The following MAP2 variants were observed in gnomAD, a reference collection of about 807,000 sequenced individuals.
The protein encoded by MAP2 is microtubule-associated protein 2.
Under a neutral mutation model 137.6 loss-of-function variants are expected in MAP2, and 14 were observed. That is an observed-to-expected ratio of 0.10 (90% CI 0.07 to 0.16). The LOEUF (loss-of-function observed/expected upper bound fraction) is 0.16, where lower values mean the gene tolerates loss of function less well. Ranked by LOEUF, MAP2 falls within the 10% of genes least tolerant of loss-of-function variation. MAP2 has a pLI of 1.00. For synonymous variants in MAP2, 786 were observed against 782.3 expected (o/e 1.00, Z -0.08); for missense variants, 2,088 against 2,191.5 (o/e 0.95, Z 0.94).
chr2:209,730,020 C>T lies in MAP2; in HGVS notation c.5268+58C>T, dbSNP rs1238291669. On this transcript the variant is annotated intron_variant, in intron 15 of 15. Coordinates refer to ENST00000682079, the MANE Select transcript of MAP2 (RefSeq NM_001375505.1). Reference sequence around the variant, plus strand: ...TTTTAAAAAAAATTCTTCTGAAATACTCTTCATCAAAATAGGTCCCAGATT... The same window carrying T: ...TTTTAAAAAAAATTCTTCTGAAATATTCTTCATCAAAATAGGTCCCAGATT... 3 of 1,331,354 alleles carry T rather than the reference C, an allele frequency of 2.3e-6. No homozygotes were observed. The Admixed American group carries it at 5.4e-5, about 24-fold the overall frequency. The allele number at this position is 1,331,354 out of a possible 1,614,324, so 82.5% of individuals were successfully genotyped here. A position where few individuals can be genotyped will look rare whatever the true frequency, so the allele number is the denominator to read the frequency against.
At chr2:209,591,838 A>G (rs993251606) in intron 3 of MAP2, among the ~76,000 whole-genome samples, 3 of 152,132 alleles carry the variant, frequency 2.0e-5, no homozygotes, top group East Asian at 1.9e-4. Context: ...TCTCCCCTCT[A>G]TTTGTTAGGT....
intron 6 of MAP2, among the ~76,000 whole-genome samples, chr2:209,680,302 A>G (rs1194622981): frequency 6.6e-6 from 1 of 152,196 alleles, no homozygotes; most frequent in Admixed American, 6.6e-5. Context: ...TGATCAAGAT[A>G]ACACATGTTT....
At chr2:209,690,755 GAGA>G in intron 7 of MAP2, 1 of 1,289,838 alleles carries the variant, frequency 7.8e-7, no homozygotes, top group Non-Finnish European at 1.0e-6. Context: ...AGTTCCCGAA[GAGA>G]GTGCCCCAGC....
chr2:209,498,495 G>A (rs900281670), intron 1 of MAP2, among the ~76,000 whole-genome samples: 1 of 152,224 alleles, frequency 6.6e-6, no homozygotes, highest in Admixed American at 6.5e-5. Context: ...CAGATGTGAG[G>A]GTTCCAACTT....
chr2:209,434,468 G>A (rs943829065), intron 1 of MAP2, among the ~76,000 whole-genome samples: 5 of 151,170 alleles, frequency 3.3e-5, no homozygotes, highest in African/African-American at 7.3e-5. Context: ...TTATTTTTAG[G>A]ATTATTTTTA....
intron 1 of MAP2, among the ~76,000 whole-genome samples, chr2:209,489,893 C>T (rs2058858659): frequency 6.6e-6 from 1 of 152,106 alleles, no homozygotes; most frequent in African/African-American, 2.4e-5. Context: ...AGGAGAACTT[C>T]CCCAACCTAG....
intron 3 of MAP2, among the ~76,000 whole-genome samples, chr2:209,588,603 A>G (rs1419649257): frequency 6.6e-6 from 1 of 152,194 alleles, no homozygotes; most frequent in African/African-American, 2.4e-5. Flanking sequence ...GGTTGTACTT[A>G]GTTTTCTTTA....
At chr2:209,435,961 T>C (rs1044114992) in intron 1 of MAP2, among the ~76,000 whole-genome samples, 1 of 139,556 alleles carries the variant, frequency 7.2e-6, no homozygotes, top group South Asian at 2.1e-4. Context: ...ATATACAGTA[T>C]ATATTATATA....
At chr2:209,498,852 C>A (rs2060056082) in intron 1 of MAP2, among the ~76,000 whole-genome samples, 1 of 152,150 alleles carries the variant, frequency 6.6e-6, no homozygotes, top group African/African-American at 2.4e-5. Flanking sequence ...CCCTCATAGG[C>A]CTCTGGGCCT....
In MAP2 at chr2:209,693,061, A is replaced by G. The variant is rs1398742509; in HGVS notation, c.891A>G (p.Val297=). 2 of 1,613,162 alleles carry G rather than the reference A, an allele frequency of 1.2e-6. No homozygotes were observed. Among genetic ancestry groups the G allele is most frequent in the Non-Finnish European group, 1.7e-6 (2 of 1,179,718 alleles). The part of the protein sequence containing the change: ...GPLTPMREKD[V]FDDIPKWEGK... Reference sequence around the variant, plus strand: ...TGACTCCCATGAGGGAAAAAGATGTATTTGATGATATCCCAAAATGGGAAG... The same window carrying G: ...TGACTCCCATGAGGGAAAAAGATGTGTTTGATGATATCCCAAAATGGGAAG... The change falls in exon 8 of 16, where the codon GTA becomes GTG. Residue 297 remains valine, a synonymous_variant. Coordinates refer to ENST00000682079, the MANE Select transcript of MAP2 (RefSeq NM_001375505.1).
intron 2 of MAP2, among the ~76,000 whole-genome samples, chr2:209,568,802 T>G (rs1490962789): frequency 6.6e-6 from 1 of 151,816 alleles, no homozygotes; most frequent in East Asian, 1.9e-4. Context: ...GCCAAGAAAT[T>G]AATGACTCTA....
chr2:209,605,129 A>G (rs2084261919), intron 3 of MAP2, among the ~76,000 whole-genome samples: 1 of 152,208 alleles, frequency 6.6e-6, no homozygotes, highest in South Asian at 2.1e-4. Flanking sequence ...GCTGTTTTAG[A>G]AAACAATTTT....
intron 1 of MAP2, among the ~76,000 whole-genome samples, chr2:209,500,024 T>C (rs1249129519): frequency 6.6e-6 from 1 of 152,146 alleles, no homozygotes; most frequent in African/African-American, 2.4e-5. Context: ...CATGCAATAG[T>C]TGTAACACTC....
chr2:209,430,089 G>T (rs550909775), intron 1 of MAP2, among the ~76,000 whole-genome samples: 1 of 150,654 alleles, frequency 6.6e-6, no homozygotes, highest in African/African-American at 2.4e-5. Flanking sequence ...GATTCACTAC[G>T]TCCTTTTGGC....
At chr2:209,654,430 G>A (rs2095006899) in intron 5 of MAP2, among the ~76,000 whole-genome samples, 2 of 152,282 alleles carry the variant, frequency 1.3e-5, no homozygotes, top group Middle Eastern at 3.4e-3. Flanking sequence ...CATTCAATTA[G>A]TATGAAATTG....
At chr2:209,462,599 A>G (rs917264604) in intron 1 of MAP2, among the ~76,000 whole-genome samples, 7 of 152,174 alleles carry the variant, frequency 4.6e-5, no homozygotes, top group Non-Finnish European at 1.0e-4. Context: ...CCACTGACCA[A>G]TTAGGAGACC....
chr2:209,472,237 G>A (rs1016158125), intron 1 of MAP2, among the ~76,000 whole-genome samples: 2 of 152,182 alleles, frequency 1.3e-5, no homozygotes, highest in African/African-American at 4.8e-5. Flanking sequence ...GAGCCCCTCT[G>A]GGATGTTATT....
At chr2:209,719,057 A>G (rs1352353829) in intron 13 of MAP2, among the ~76,000 whole-genome samples, 1 of 152,250 alleles carries the variant, frequency 6.6e-6, no homozygotes, top group East Asian at 1.9e-4. Context: ...AAGTATTTTC[A>G]TAATGCAAGA....
chr2:209,602,781 G>A (rs2083378566), intron 3 of MAP2, among the ~76,000 whole-genome samples: 1 of 152,194 alleles, frequency 6.6e-6, no homozygotes, highest in Non-Finnish European at 1.5e-5. Flanking sequence ...AAAATATGAA[G>A]AGCTGCCTGT....
Sources: allele counts gnomAD v4.1 joint callset (sites outside exome capture counted in the v4.1 genomes callset), GRCh38; gene constraint gnomAD v4.1.1; transcripts MANE v1.5; gene names NCBI Gene and HGNC (gene_info 2026-07-23, HGNC 2026-07-21).